CIMAP3: variants seen among roughly 807,000 people sequenced by gnomAD.
The protein encoded by CIMAP3 is ciliary microtubule-associated protein 3.
chr1:111,338,146 A>G, the CIMAP3 span, among the ~76,000 whole-genome samples: 2 of 151,462 alleles, frequency 1.3e-5, no homozygotes, highest in Non-Finnish European at 2.9e-5. Context: ...CTTTGAAACC[A>G]ACGAGAACAA....
chr1:111,340,417 G>A, the CIMAP3 span, among the ~76,000 whole-genome samples: 1 of 151,978 alleles, frequency 6.6e-6, no homozygotes, highest in Non-Finnish European at 1.5e-5. Flanking sequence ...GAGTGAACAG[G>A]CAACCCACAA....
the CIMAP3 span, among the ~76,000 whole-genome samples, chr1:111,340,010 A>G: frequency 1.3e-5 from 2 of 151,624 alleles, no homozygotes; most frequent in Non-Finnish European, 2.9e-5. Context: ...AAACAGAGAT[A>G]CAGATCAATG....
the CIMAP3 span, chr1:111,350,287 G>A: frequency 0.12 from 159,673 of 1,301,216 alleles, 10,476 homozygotes; most frequent in Non-Finnish European, 0.14. Flanking sequence ...AGGTATTAGG[G>A]ACTCTTAATT....
the CIMAP3 span, chr1:111,324,780 A>G: frequency 1.0e-6 from 1 of 985,360 alleles, no homozygotes; most frequent in Non-Finnish European, 1.2e-6. Flanking sequence ...TCTTGCCCAG[A>G]ACGACTGAGG....
At chr1:111,335,243 C>T in the CIMAP3 span, among the ~76,000 whole-genome samples, 1 of 151,502 alleles carries the variant, frequency 6.6e-6, no homozygotes, top group Admixed American at 6.6e-5. Context: ...ATAGAAACAG[C>T]TCCGGTCTAC....
At chr1:111,351,166 GTTTTTTT>G in the CIMAP3 span, 763 of 575,254 alleles carry the variant, frequency 1.3e-3, no homozygotes, top group East Asian at 2.6e-3. Context: ...ATAATGTACA[GTTTTTTT>G]TTTTTTTTTT....
the CIMAP3 span, chr1:111,351,393 C>A: frequency 1.5e-6 from 2 of 1,332,366 alleles, no homozygotes; most frequent in Non-Finnish European, 2.0e-6. Flanking sequence ...GACAGAGCTG[C>A]TCTTCTTCTT....
At chr1:111,346,416 GCCGCGAATCCAGGAAACCCT>G in the CIMAP3 span, 1 of 524,186 alleles carries the variant, frequency 1.9e-6, no homozygotes. Flanking sequence ...AGCCCCTACA[GCCGCGAATCCAGGAAACCCT>G]CTACCCGCAG....
chr1:111,340,614 C>T, the CIMAP3 span, among the ~76,000 whole-genome samples: 1 of 152,142 alleles, frequency 6.6e-6, no homozygotes, highest in Non-Finnish European at 1.5e-5. Flanking sequence ...AAATGCTCAC[C>T]ATCACTGGCC....
At chr1:111,333,310 G>A in the CIMAP3 span, among the ~76,000 whole-genome samples, 1 of 152,196 alleles carries the variant, frequency 6.6e-6, no homozygotes, top group African/African-American at 2.4e-5. Flanking sequence ...ACCACCAGTG[G>A]AAGCTTGTGG....
chr1:111,326,515 A>G, the CIMAP3 span, among the ~76,000 whole-genome samples: 4 of 152,176 alleles, frequency 2.6e-5, no homozygotes, highest in Admixed American at 2.6e-4. Flanking sequence ...TTCATTGGGT[A>G]TATATACTAC....
chr1:111,350,062 G>C, the CIMAP3 span: 1 of 1,486,682 alleles, frequency 6.7e-7, no homozygotes, highest in Admixed American at 1.7e-5. Flanking sequence ...GTTTGTGTAT[G>C]ATCACTAACT....
At chr1:111,331,490 C>G in the CIMAP3 span, among the ~76,000 whole-genome samples, 2 of 152,062 alleles carry the variant, frequency 1.3e-5, no homozygotes, top group African/African-American at 4.8e-5. Flanking sequence ...TGTTGAATCT[C>G]TTAATTGTAT....
chr1:111,346,774 AGGAGTTT>A, the CIMAP3 span: 7 of 1,558,608 alleles, frequency 4.5e-6, no homozygotes, highest in Admixed American at 1.2e-4. Context: ...GCCCCCCTCC[AGGAGTTT>A]GGCGTGGTTT....
At chr1:111,338,965 G>A in the CIMAP3 span, among the ~76,000 whole-genome samples, 2 of 152,070 alleles carry the variant, frequency 1.3e-5, no homozygotes, top group East Asian at 3.8e-4. Context: ...ATAAAATACT[G>A]GCAAACCAAA....
At chr1:111,346,976 C>G in the CIMAP3 span, 1 of 1,614,018 alleles carries the variant, frequency 6.2e-7, no homozygotes, top group Non-Finnish European at 8.5e-7. Context: ...TTCCATCCCC[C>G]GAATTTGATT....
At chr1:111,331,329 C>G in the CIMAP3 span, among the ~76,000 whole-genome samples, 1 of 152,104 alleles carries the variant, frequency 6.6e-6, no homozygotes, top group Non-Finnish European at 1.5e-5. Flanking sequence ...TCTGCAATGC[C>G]CATAGTATGG....
the CIMAP3 span, among the ~76,000 whole-genome samples, chr1:111,344,345 C>A: frequency 1.3e-5 from 2 of 152,108 alleles, no homozygotes; most frequent in African/African-American, 4.8e-5. Flanking sequence ...ACTGTGTTTT[C>A]CAGTTTCCCC....
the CIMAP3 span, among the ~76,000 whole-genome samples, chr1:111,336,223 T>C: frequency 6.6e-6 from 1 of 151,828 alleles, no homozygotes; most frequent in South Asian, 2.1e-4. Flanking sequence ...TCAAAGAACA[T>C]AAGTAGATAA....
Sources: allele counts gnomAD v4.1 joint callset (sites outside exome capture counted in the v4.1 genomes callset), GRCh38; gene constraint gnomAD v4.1.1; transcripts MANE v1.5; gene names NCBI Gene and HGNC (gene_info 2026-07-23, HGNC 2026-07-21).